CRYM: variants seen among roughly 807,000 people sequenced by gnomAD.
CRYM encodes crystallin mu.
CRYM carries 18 observed loss-of-function variants against 32.9 expected under a neutral mutation model. The ratio of observed to expected loss-of-function variants is 0.55; its 90% CI spans 0.38 to 0.81. The LOEUF is 0.81. CRYM is among the 30% of genes least tolerant of loss of function. CRYM has a pLI of 0.00. For missense variants in CRYM, 337 were observed against 393.5 expected, an observed-to-expected ratio of 0.86 and a Z score of 1.21; for synonymous variants, 153 against 152.4, an observed-to-expected ratio of 1.00 and a Z score of -0.03.
intron 5 of CRYM, chr16:21,262,443 C>T (rs1376488691): frequency 2.7e-6 from 1 of 372,858 alleles, no homozygotes; most frequent in Non-Finnish European, 5.2e-6. Context: ...CATGGTGAAA[C>T]CCTGTGTCTA....
intron 4 of CRYM, among the ~76,000 whole-genome samples, chr16:21,268,220 A>G (rs911358199): frequency 2.6e-5 from 4 of 152,218 alleles, no homozygotes; most frequent in African/African-American, 9.6e-5. Flanking sequence ...AGACCCCGTA[A>G]AGGAGTTGTA....
At chr16:21,294,415 A>G (rs1187512065) in intron 1 of CRYM, among the ~76,000 whole-genome samples, 1 of 152,152 alleles carries the variant, frequency 6.6e-6, no homozygotes, top group Non-Finnish European at 1.5e-5. Flanking sequence ...TACATGTGCC[A>G]TGGTGGTTTG....
chr16:21,276,430 C>T (rs922606198), intron 2 of CRYM, among the ~76,000 whole-genome samples: 1 of 152,120 alleles, frequency 6.6e-6, no homozygotes, highest in African/African-American at 2.4e-5. Flanking sequence ...GATTATTTGG[C>T]GATCCAGAAA....
At chr16:21,285,210 TATG>T (rs2093405484) in intron 1 of CRYM, among the ~76,000 whole-genome samples, 1 of 152,250 alleles carries the variant, frequency 6.6e-6, no homozygotes, top group Non-Finnish European at 1.5e-5. Flanking sequence ...ACTTGGGGCT[TATG>T]ATACTTCGCC....
chr16:21,268,916 G>A (rs1006886528), intron 4 of CRYM, among the ~76,000 whole-genome samples: 1 of 152,156 alleles, frequency 6.6e-6, no homozygotes, highest in African/African-American at 2.4e-5. Context: ...GGACAAGGCA[G>A]GTGGATCACC....
chr16:21,297,078 G>T (rs935136056), intron 1 of CRYM, among the ~76,000 whole-genome samples: 1 of 151,512 alleles, frequency 6.6e-6, no homozygotes, highest in African/African-American at 2.4e-5. Flanking sequence ...TTTACCTCCA[G>T]TCGAAGTGAC....
chr16:21,289,696 G>A (rs986976824), intron 1 of CRYM, among the ~76,000 whole-genome samples: 10 of 152,126 alleles, frequency 6.6e-5, no homozygotes, highest in African/African-American at 2.2e-4. Context: ...TTCTGTCAAA[G>A]TGAGAGTTGA....
chr16:21,292,115 G>C (rs1030510318), intron 1 of CRYM, among the ~76,000 whole-genome samples: 1 of 152,028 alleles, frequency 6.6e-6, no homozygotes, highest in Admixed American at 6.6e-5. Context: ...GCCAAAAATT[G>C]AAAATAACCC....
Position 21,269,770 on chromosome 16 carries a change from A to ACCCCCCCCCCCCC in CRYM, c.489+19_489+20insGGGGGGGGGGGGG. ...ACCACCCCCTTCCCTCTTCTCTCCC[A>ACCCCCCCCCCCCC]CCCCCACCCCTGGACTTACCTCCTT... On this transcript the variant is annotated intron_variant, in intron 4 of 7. Coordinates refer to ENST00000572914, the MANE Select transcript of CRYM (RefSeq NM_001376256.1). The ACCCCCCCCCCCCC allele has an allele frequency of 4.7e-6, 2 of 421,326 alleles. No individual in the cohort carries two copies. Among genetic ancestry groups the ACCCCCCCCCCCCC allele is most frequent in the Non-Finnish European group, 8.8e-6 (2 of 228,462 alleles). 26.1% of individuals were successfully genotyped at this position (421,326 alleles called of 1,614,324 possible). A position where few individuals can be genotyped will look rare whatever the true frequency, so the allele number is the denominator to read the frequency against.
chr16:21,293,335 G>A (rs891719305), intron 1 of CRYM, among the ~76,000 whole-genome samples: 7 of 152,190 alleles, frequency 4.6e-5, no homozygotes, highest in African/African-American at 1.7e-4. Context: ...CAAGGGAAAA[G>A]CAAATCTGAG....
intron 1 of CRYM, among the ~76,000 whole-genome samples, chr16:21,298,909 A>G (rs774143731): frequency 1.3e-5 from 2 of 152,248 alleles, no homozygotes; most frequent in African/African-American, 4.8e-5. Flanking sequence ...TTTTAATCCC[A>G]GTTAATTTCA....
chr16:21,269,306 C>G (rs2093370153), intron 4 of CRYM, among the ~76,000 whole-genome samples: 1 of 152,012 alleles, frequency 6.6e-6, no homozygotes, highest in Non-Finnish European at 1.5e-5. Flanking sequence ...ACAATAGCAT[C>G]AAAAATTCCC....
rs117196280 is a variant in CRYM, at chr16:21,291,142, A to T, written c.-193+11836T>A. On this transcript the variant is annotated intron_variant, in intron 1 of 9. Coordinates refer to the CRYM transcript ENST00000219599. ...TTGTTATCCTGGGACAGTTCATTTC[A>T]TATAAAGCATGCTAACATTATCTTT... is the stretch of plus-strand genomic sequence containing the variant. 2.8e-3 allele frequency among the ~76,000 whole-genome samples: 423 copies of T among 152,316 alleles called. 2 individuals carry two copies. Among genetic ancestry groups the T allele is most frequent in the Non-Finnish European group, 3.7e-3 (249 of 68,014 alleles).
intron 1 of CRYM, among the ~76,000 whole-genome samples, chr16:21,302,303 A>C (rs1444230757): frequency 2.0e-5 from 3 of 152,220 alleles, no homozygotes; most frequent in Non-Finnish European, 4.4e-5. Context: ...AGAGGAAAGG[A>C]TGCTATTGTA....
At chr16:21,300,477 T>G (rs1264511998) in intron 1 of CRYM, 2 of 141,152 alleles carry the variant, frequency 1.4e-5, no homozygotes, top group Non-Finnish European at 3.0e-5. Flanking sequence ...AATCATCCAG[T>G]GATGATGAAA....
chr16:21,269,344 G>C (rs934064241), intron 4 of CRYM, among the ~76,000 whole-genome samples: 2 of 152,070 alleles, frequency 1.3e-5, no homozygotes, highest in Non-Finnish European at 2.9e-5. Context: ...GCAGTGGGGG[G>C]AAGGTGGACC....
chr16:21,290,891 T>C (rs961353372), intron 1 of CRYM, among the ~76,000 whole-genome samples: 2 of 152,170 alleles, frequency 1.3e-5, no homozygotes, highest in African/African-American at 4.8e-5. Flanking sequence ...AAATAAACGG[T>C]ATGAGAAATA....
chr16:21,278,279 T>G lies in CRYM; in HGVS notation c.-28A>C. On this transcript the variant is annotated 5_prime_UTR_variant, in exon 1 of 8. Coordinates refer to ENST00000572914, the MANE Select transcript of CRYM (RefSeq NM_001376256.1). ...CGCCACCTGTGCCTTCTAACCTCAG[T>G]CTCCGCACCGCGATCCACGTACCCT... The G allele has an allele frequency of 1.3e-6, 2 of 1,570,820 alleles. No homozygotes were observed. The highest frequency in any genetic ancestry group is 1.7e-6 in the Non-Finnish European group (2 of 1,164,500).
intron 1 of CRYM, chr16:21,301,435 T>G (rs1597635951): frequency 7.9e-6 from 1 of 126,094 alleles, no homozygotes; most frequent in African/African-American, 3.0e-5. Flanking sequence ...ACGAGGTGGG[T>G]GGGAGCATGA....
Sources: gnomAD v4.1 joint callset for allele counts (sites outside exome capture counted in the v4.1 genomes callset) on GRCh38, gnomAD v4.1.1 for gene constraint, MANE v1.5 for transcripts, NCBI Gene and HGNC (gene_info 2026-07-23, HGNC 2026-07-21) for gene names.